Variants in RALGAPB observed in about 807,000 individuals in gnomAD.
RALGAPB encodes the protein Ral GTPase activating protein non-catalytic subunit beta, also known as ral GTPase-activating protein subunit beta.
RALGAPB carries 25 observed loss-of-function variants against 161.1 expected under a neutral mutation model. The ratio of observed to expected loss-of-function variants is 0.16; its 90% confidence interval spans 0.11 to 0.22. The LOEUF (loss-of-function observed/expected upper bound fraction) is 0.22. Among genes scored for constraint, RALGAPB ranks in the 10% least tolerant of loss-of-function variants. The pLI, the probability that RALGAPB is intolerant of heterozygous loss-of-function variation, is 1.00. For synonymous variants in RALGAPB, 629 were observed against 626.1 expected (o/e 1.00, Z -0.07); for missense variants, 1,391 against 1,815.2 (o/e 0.77, Z 4.25).
At chr20:38,558,187 T>A (rs2087655395) in intron 22 of RALGAPB, 108 bp from the exon 23 acceptor site, 1 of 960,138 alleles carries the variant, frequency 1.0e-6, no homozygotes. Flanking sequence ...CCTACCATTC[T>A]ATATTTTTTA....
At chr20:38,566,744 A>G (rs1033528213) in intron 25 of RALGAPB, among the ~76,000 whole-genome samples, 3 of 152,246 alleles carry the variant, frequency 2.0e-5, no homozygotes, top group Non-Finnish European at 4.4e-5. Flanking sequence ...GGCATTTATT[A>G]TATTCTACAT....
rs1483357522 is a variant in RALGAPB at position 38,497,338 on chromosome 20, G to C, written c.390-15G>C. 7 of 1,611,702 alleles carry C rather than the reference G, an allele frequency of 4.3e-6. No homozygotes were observed. In the South Asian group the frequency reaches 4.4e-5, roughly 10 times the overall value. ...TCCTCCAGGCTTGTCAGTGATATCTGTCTGTCTTCTTCAGACAGGAACAGG... is the reference window on the plus strand; with the variant it reads ...TCCTCCAGGCTTGTCAGTGATATCTCTCTGTCTTCTTCAGACAGGAACAGG... On this transcript the variant is annotated splice_polypyrimidine_tract_variant and intron_variant, in intron 3 of 29. Coordinates refer to ENST00000262879, the MANE Select transcript of RALGAPB (RefSeq NM_020336.4).
At chr20:38,573,561 A>G (rs1468110664) in intron 28 of RALGAPB, 1 of 152,164 alleles carries the variant, frequency 6.6e-6, no homozygotes, top group Non-Finnish European at 1.5e-5. Context: ...TGGCCCTGCC[A>G]CAGTGCGGCC....
At chr20:38,502,649 G>C (rs1334845211) in intron 5 of RALGAPB, among the ~76,000 whole-genome samples, 1 of 152,084 alleles carries the variant, frequency 6.6e-6, no homozygotes, top group Admixed American at 6.5e-5. Flanking sequence ...GCAGTGGTGC[G>C]ATCTCAGCTC....
intron 1 of RALGAPB, among the ~76,000 whole-genome samples, chr20:38,484,524 C>T (rs1199060212): frequency 1.3e-5 from 2 of 152,130 alleles, no homozygotes; most frequent in African/African-American, 4.8e-5. Flanking sequence ...TCTTTTTTAG[C>T]TGACATTGTG....
In RALGAPB at chr20:38,566,950, A is replaced by G; in HGVS notation, c.3818-146A>G. 5 of 1,390,916 alleles carry G rather than the reference A, an allele frequency of 3.6e-6. No homozygotes were observed. The South Asian group carries it at 9.0e-5, about 25-fold the overall frequency. The allele number at this position is 1,390,916 out of a possible 1,614,324, so 86.2% of individuals were successfully genotyped here. A position where few individuals can be genotyped will look rare whatever the true frequency, so the allele number is the denominator to read the frequency against. ...TAAAATACTTAGTACTTGATCCTTT[A>G]CAGAAAAAAGTTTGTCAGCCCTTGC... On this transcript the variant is annotated intron_variant, in intron 25 of 29. Coordinates refer to ENST00000262879, the MANE Select transcript of RALGAPB (RefSeq NM_020336.4).
chr20:38,576,720 G>A lies in RALGAPB; in HGVS notation c.*1753G>A, dbSNP rs982018275. ...AAAATGTTCTAGTAGTTCACAGGAA[G>A]AAGATGAGGTTTAATAACTTTCAAG... On this transcript the variant is annotated 3_prime_UTR_variant, in exon 30 of 30. Transcript: ENST00000262879. The A allele has an allele frequency of 3.9e-4, 60 of 152,732 alleles. No individual in the cohort carries two copies. Among genetic ancestry groups the A allele is most frequent in the African/African-American group, 1.4e-3 (59 of 41,566 alleles). 9.5% of individuals were successfully genotyped at this position (152,732 alleles called of 1,614,324 possible).
At chr20:38,485,275 G>A (rs1320417499) in intron 1 of RALGAPB, among the ~76,000 whole-genome samples, 3 of 152,144 alleles carry the variant, frequency 2.0e-5, no homozygotes, top group Non-Finnish European at 2.9e-5. Context: ...GACTCTGCCT[G>A]TAATACCAGC....
At position 38,553,849 on chromosome 20, in the gene RALGAPB, A is replaced by ATAT. The variant is rs531175878; in HGVS notation, c.3163-16_3163-14dup. On this transcript the variant is annotated splice_polypyrimidine_tract_variant and intron_variant, in intron 21 of 29. Transcript: ENST00000262879. ...TTTGATAATAGTTTCAAAAAATGAA[A>ATAT]TATTTGGTTTATTACAGTTAGAAGA... The ATAT allele has an allele frequency of 5.8e-6, 9 of 1,560,962 alleles. No individual in the cohort carries two copies. In the African/African-American group the frequency reaches 1.1e-4, roughly 19 times the overall value.
chr20:38,562,760 C>A (rs2087831097), intron 24 of RALGAPB, 63 bp downstream of exon 24: 3 of 1,300,988 alleles, frequency 2.3e-6, no homozygotes. Context: ...TTTTTTTTTT[C>A]CCCCTTTACT....
intron 5 of RALGAPB, among the ~76,000 whole-genome samples, chr20:38,500,647 G>C (rs927522691): frequency 1.3e-5 from 2 of 152,164 alleles, no homozygotes; most frequent in Admixed American, 1.3e-4. Flanking sequence ...TCAAAAGCTA[G>C]AAATGATTAA....
intron 28 of RALGAPB, among the ~76,000 whole-genome samples, chr20:38,573,077 CTT>C (rs201320569): frequency 7.0e-5 from 10 of 142,540 alleles, no homozygotes; most frequent in African/African-American, 1.8e-4. Context: ...TTGTTTTCAT[CTT>C]TTTTTTTTTT....
rs530569831 is a variant in RALGAPB, at chr20:38,540,068, T to C, written c.2562+110T>C. 15 of 891,774 alleles carry C rather than the reference T, an allele frequency of 1.7e-5. No individual in the cohort carries two copies. In the South Asian group the frequency reaches 3.2e-4, roughly 19 times the overall value. The allele number at this position is 891,774 out of a possible 1,614,324, so 55.2% of individuals were successfully genotyped here. ...AAATACAGTATTGCACACTTTAAAC[T>C]GAAAATACTTGTTAGATTACAGTGG... On this transcript the variant is annotated intron_variant, in intron 17 of 29. Transcript: ENST00000262879.
At chr20:38,539,540 G>A (rs1258664866) in intron 16 of RALGAPB, among the ~76,000 whole-genome samples, 3 of 152,136 alleles carry the variant, frequency 2.0e-5, no homozygotes, top group Non-Finnish European at 4.4e-5. Context: ...GGGTTTTAGG[G>A]CATGAAAAAC....
rs2088408736 is a variant in RALGAPB at position 38,575,633 on chromosome 20, C to A, written c.*666C>A. 6.6e-6 allele frequency: 1 copy of A among 152,506 alleles called. No individual in the cohort carries two copies. The highest frequency in any genetic ancestry group is 2.4e-5 in the African/African-American group (1 of 41,408). 9.4% of individuals were successfully genotyped at this position (152,506 alleles called of 1,614,324 possible). ...TCTGAAAGCCTCAGTTTCTGAGTGA[C>A]CCAGGAACAGATCAGAAATGGAGCA... On this transcript the variant is annotated 3_prime_UTR_variant, in exon 30 of 30. Transcript: ENST00000262879.
chr20:38,555,204 G>T (rs2087534701), intron 22 of RALGAPB, among the ~76,000 whole-genome samples: 1 of 152,228 alleles, frequency 6.6e-6, no homozygotes, highest in Non-Finnish European at 1.5e-5. Context: ...TCTAAGTCCT[G>T]TTTGTTTTGA....
At chr20:38,514,159 AC>A (rs1204338697) in intron 6 of RALGAPB, among the ~76,000 whole-genome samples, 5 of 152,210 alleles carry the variant, frequency 3.3e-5, no homozygotes, top group South Asian at 2.1e-4. Context: ...GAAGCAGCGA[AC>A]AACCCTTTCT....
In RALGAPB at chr20:38,509,085, G is replaced by C. The variant is rs765077296; in HGVS notation, c.749G>C (p.Arg250Pro). Reference sequence around the variant, plus strand: ...GTGCATTTATTTTCTAGATTGCTACGCTTTACATATGGTCCTTCATTTCCT... The same window carrying C: ...GTGCATTTATTTTCTAGATTGCTACCCTTTACATATGGTCCTTCATTTCCT... ...VICALTSRLL[R>P]FTYGPSFPAF... The change falls in exon 6 of 30, where the codon CGC becomes CCC. Residue 250 changes from arginine to proline, a missense_variant. Arg to Pro is a moderately radical substitution (Grantham distance 103). Around this residue, in one of 3 missense-constraint regions of RALGAPB, gnomAD observed 946 missense variants for 1,257.2 expected, o/e 0.75. Transcript: ENST00000262879. 1 of 1,613,480 alleles carries C rather than the reference G, an allele frequency of 6.2e-7. No individual in the cohort carries two copies.
intron 3 of RALGAPB, among the ~76,000 whole-genome samples, chr20:38,495,574 C>G (rs140490975): frequency 6.6e-6 from 1 of 152,208 alleles, no homozygotes; most frequent in Non-Finnish European, 1.5e-5. Context: ...AGATAGTAGG[C>G]CAGATTTGTA....
Sources: allele counts gnomAD v4.1 joint callset (sites outside exome capture counted in the v4.1 genomes callset), GRCh38; gene constraint gnomAD v4.1.1; regional missense constraint gnomAD v4.1.1; transcripts MANE v1.5; gene names NCBI Gene and HGNC (gene_info 2026-07-23, HGNC 2026-07-21).